The following ZFPM2 variants were observed in gnomAD, a reference collection of about 807,000 sequenced individuals.
ZFPM2 encodes zinc finger protein, FOG family member 2, also known as zinc finger protein ZFPM2.
A neutral mutation model predicts 98.6 loss-of-function variants in ZFPM2; 20 were observed. The ratio of observed to expected loss-of-function variants is 0.20; its 90% CI spans 0.14 to 0.29. The LOEUF is 0.29. Among genes scored for constraint, ZFPM2 ranks in the 10% least tolerant of loss-of-function variants. The pLI is 1.00. For missense variants in ZFPM2, 1,310 were observed against 1,388.6 expected (o/e 0.94, Z 0.90); for synonymous variants, 518 against 502.7 (o/e 1.03, Z -0.41).
intron 3 of ZFPM2, among the ~76,000 whole-genome samples, chr8:105,489,428 A>G (rs1490926466): frequency 6.9e-6 from 1 of 144,440 alleles, no homozygotes; most frequent in Non-Finnish European, 1.5e-5. Flanking sequence ...TCTTTTATAT[A>G]TATTTATAGA....
rs1393658315 is a variant in ZFPM2 at position 105,330,732 on chromosome 8, C to G, written c.40+11751C>G. On this transcript the variant is annotated intron_variant, in intron 1 of 7. Coordinates refer to ENST00000407775, the MANE Select transcript of ZFPM2 (RefSeq NM_012082.4). The stretch of plus-strand genomic sequence containing the variant: ...GATGGTTCAGGCAAATGGTGCTGAC[C>G]TTTACTGATCTTGTTTTGATGGTTA... Among the ~76,000 whole-genome samples, 6 of 148,398 alleles carry G rather than the reference C, an allele frequency of 4.0e-5. No individual in the cohort carries two copies. In the Admixed American group the frequency reaches 4.1e-4, roughly 10 times the overall value.
At position 105,515,428 on chromosome 8, in the gene ZFPM2, A is replaced by G. The variant is rs1203672348; in HGVS notation, c.302-45935A>G. 2.0e-5 allele frequency among the ~76,000 whole-genome samples: 3 copies of G among 152,174 alleles called. No individual in the cohort carries two copies. In the East Asian group the frequency reaches 5.8e-4, roughly 29 times the overall value. ...TTTCTCACTTGATCTTCACTACCCT[A>G]TGAATAGCAAGAAGTAAGATTAAAA... is the stretch of plus-strand genomic sequence containing the variant. On this transcript the variant is annotated intron_variant, in intron 3 of 7. Transcript: ENST00000407775.
intron 1 of ZFPM2, among the ~76,000 whole-genome samples, chr8:105,329,051 CAA>C (rs1273283610): frequency 6.6e-6 from 1 of 151,870 alleles, no homozygotes; most frequent in Non-Finnish European, 1.5e-5. Flanking sequence ...ATTTTGTCAT[CAA>C]GTTGCTTAAG....
intron 5 of ZFPM2, among the ~76,000 whole-genome samples, chr8:105,713,716 G>A (rs530771990): frequency 1.3e-5 from 2 of 152,140 alleles, no homozygotes; most frequent in South Asian, 4.2e-4. Flanking sequence ...TGAATAGATA[G>A]TCCTTTCCCC....
At chr8:105,458,637 G>A (rs1220210792) in intron 3 of ZFPM2, among the ~76,000 whole-genome samples, 1 of 152,040 alleles carries the variant, frequency 6.6e-6, no homozygotes, top group African/African-American at 2.4e-5. Context: ...GAAATTGACA[G>A]TGCATATTTT....
intron 1 of ZFPM2, among the ~76,000 whole-genome samples, chr8:105,405,420 T>A (rs1339080478): frequency 7.3e-6 from 1 of 136,978 alleles, no homozygotes; most frequent in Admixed American, 7.5e-5. Flanking sequence ...CCTAATGCTA[T>A]CCCTCCCCCC....
At chr8:105,647,874 A>G (rs1302976999) in intron 5 of ZFPM2, among the ~76,000 whole-genome samples, 5 of 152,122 alleles carry the variant, frequency 3.3e-5, no homozygotes, top group Non-Finnish European at 5.9e-5. Flanking sequence ...ATGATTTATA[A>G]TCCTTTGGGT....
At chr8:105,333,208 A>G (rs1812265090) in intron 1 of ZFPM2, among the ~76,000 whole-genome samples, 1 of 151,770 alleles carries the variant, frequency 6.6e-6, no homozygotes, top group Non-Finnish European at 1.5e-5. Context: ...ATTCAACCTT[A>G]GACCTTCTGT....
intron 1 of ZFPM2, among the ~76,000 whole-genome samples, chr8:105,414,504 ATGT>A (rs139820535): frequency 6.6e-6 from 1 of 151,992 alleles, no homozygotes; most frequent in East Asian, 1.9e-4. Flanking sequence ...AATATTTACT[ATGT>A]TGTTCTTTAT....
chr8:105,560,004 T>A (rs2130695153), intron 3 of ZFPM2, among the ~76,000 whole-genome samples: 1 of 152,040 alleles, frequency 6.6e-6, no homozygotes, highest in East Asian at 1.9e-4. Flanking sequence ...GGTCAAGAGT[T>A]TGAGACCAAC....
chr8:105,695,556 A>G (rs990304497), intron 5 of ZFPM2, among the ~76,000 whole-genome samples: 5 of 152,100 alleles, frequency 3.3e-5, no homozygotes, highest in African/African-American at 1.2e-4. Flanking sequence ...CTGGATGATT[A>G]TTAGAGTTGG....
intron 1 of ZFPM2, among the ~76,000 whole-genome samples, chr8:105,399,786 A>C (rs1380590292): frequency 8.6e-5 from 13 of 151,894 alleles, no homozygotes. Context: ...TTTTGTTTTG[A>C]GACGAAGTCT....
intron 6 of ZFPM2, among the ~76,000 whole-genome samples, chr8:105,794,426 C>T (rs151141611): frequency 0.035 from 5,274 of 152,250 alleles, 159 homozygotes; most frequent in Non-Finnish European, 0.055. Flanking sequence ...GCTGTCTCAT[C>T]GTTCCTCTGG....
chr8:105,721,459 T>C (rs1811662048), intron 5 of ZFPM2, among the ~76,000 whole-genome samples: 1 of 151,974 alleles, frequency 6.6e-6, no homozygotes, highest in Non-Finnish European at 1.5e-5. Flanking sequence ...AGTTTATCTT[T>C]TTCTCACAGC....
At chr8:105,615,138 C>T (rs1166283965) in intron 4 of ZFPM2, among the ~76,000 whole-genome samples, 1 of 151,396 alleles carries the variant, frequency 6.6e-6, no homozygotes, top group African/African-American at 2.4e-5. Flanking sequence ...ATCTACAGCA[C>T]TGTGAAGGGT....
At position 105,718,649 on chromosome 8, in the gene ZFPM2, A is replaced by AT. The variant is rs554953256; in HGVS notation, c.533-70060dup. On this transcript the variant is annotated intron_variant, in intron 5 of 7. Coordinates refer to ENST00000407775, the MANE Select transcript of ZFPM2 (RefSeq NM_012082.4). ...TGTTAATAAATATGACACAATACGC[A>AT]TTTTTTTTTCTTTTTAAACACATAC... Among the ~76,000 whole-genome samples the AT allele has an allele frequency of 4.7e-3, 715 of 151,108 alleles. 8 individuals are homozygous for AT. The highest frequency in any genetic ancestry group is 0.014 in the African/African-American group (581 of 41,254).
chr8:105,756,904 T>C (rs936606420), intron 5 of ZFPM2, among the ~76,000 whole-genome samples: 1 of 152,084 alleles, frequency 6.6e-6, no homozygotes, highest in Non-Finnish European at 1.5e-5. Flanking sequence ...CCGTGATACC[T>C]GGGGCAGCGC....
At chr8:105,791,784 T>G (rs1406991327) in intron 6 of ZFPM2, among the ~76,000 whole-genome samples, 1 of 152,190 alleles carries the variant, frequency 6.6e-6, no homozygotes, top group Non-Finnish European at 1.5e-5. Context: ...TATTGGTCTA[T>G]TCAGAGATTC....
At chr8:105,776,174 T>C (rs1041332038) in intron 5 of ZFPM2, among the ~76,000 whole-genome samples, 1 of 151,744 alleles carries the variant, frequency 6.6e-6, no homozygotes, top group Non-Finnish European at 1.5e-5. Context: ...GGCCAGAGAA[T>C]GCCCTCTTTG....
Sources: allele counts gnomAD v4.1 joint callset (sites outside exome capture counted in the v4.1 genomes callset), GRCh38; gene constraint gnomAD v4.1.1; transcripts MANE v1.5; gene names NCBI Gene and HGNC (gene_info 2026-07-23, HGNC 2026-07-21).